Variants in PACS1 observed in about 807,000 individuals in gnomAD.
PACS1 encodes the protein PACS-1.
PACS1 carries 24 observed loss-of-function variants against 115.0 expected under a neutral mutation model. That is an observed-to-expected ratio of 0.21 (90% CI 0.15 to 0.29). The LOEUF (loss-of-function observed/expected upper bound fraction) is 0.29, where lower values mean the gene tolerates loss of function less well. Ranked by LOEUF, PACS1 falls within the 10% of genes least tolerant of loss-of-function variation. PACS1 has a pLI of 1.00. For missense variants in PACS1, 838 were observed against 1,251.2 expected, an observed-to-expected ratio of 0.67 and a Z score of 4.98; for synonymous variants, 453 against 504.5, an observed-to-expected ratio of 0.90 and a Z score of 1.37.
chr11:66,200,442 G>T (rs1210436465), intron 2 of PACS1, among the ~76,000 whole-genome samples: 1 of 151,702 alleles, frequency 6.6e-6, no homozygotes, highest in Non-Finnish European at 1.5e-5. Context: ...AAAAATAAAG[G>T]GTTGGAAAAA....
intron 1 of PACS1, among the ~76,000 whole-genome samples, chr11:66,160,260 C>T (rs1000040009): frequency 6.6e-5 from 10 of 152,028 alleles, no homozygotes; most frequent in South Asian, 6.2e-4. Context: ...CTACTAGCTG[C>T]GTGACCTCAG....
chr11:66,072,516 A>G (rs1371630330), intron 1 of PACS1, among the ~76,000 whole-genome samples: 4 of 152,020 alleles, frequency 2.6e-5, no homozygotes, highest in Non-Finnish European at 2.9e-5. Context: ...TAACAGATTT[A>G]CACATTGTTT....
intron 2 of PACS1, among the ~76,000 whole-genome samples, chr11:66,209,027 C>G (rs932351686): frequency 2.6e-5 from 4 of 151,938 alleles, no homozygotes; most frequent in African/African-American, 9.7e-5. Flanking sequence ...TCATACTGAA[C>G]AAGACATATC....
intron 2 of PACS1, among the ~76,000 whole-genome samples, chr11:66,208,515 T>C (rs1382834914): frequency 6.6e-6 from 1 of 152,104 alleles, no homozygotes; most frequent in Non-Finnish European, 1.5e-5. Flanking sequence ...TTTACAGATT[T>C]GCTTCTTTTT....
At chr11:66,108,772 AAGAGAGAAAGAGAGAAG>A (rs1274498592) in intron 1 of PACS1, among the ~76,000 whole-genome samples, 1 of 151,998 alleles carries the variant, frequency 6.6e-6, no homozygotes, top group South Asian at 2.1e-4. Flanking sequence ...CTCAAAAAGA[AAGAGAGAAAGAGAGAAG>A]AGAGAGAAAG....
At chr11:66,206,391 G>A (rs1854939644) in intron 2 of PACS1, among the ~76,000 whole-genome samples, 1 of 152,176 alleles carries the variant, frequency 6.6e-6, no homozygotes, top group Non-Finnish European at 1.5e-5. Context: ...ACCCATGAAA[G>A]CTAAACCCCT....
intron 1 of PACS1, among the ~76,000 whole-genome samples, chr11:66,151,599 T>A (rs1859241728): frequency 6.6e-6 from 1 of 152,226 alleles, no homozygotes; most frequent in South Asian, 2.1e-4. Context: ...GTTAACTGCC[T>A]ACTAGAATAT....
chr11:66,137,099 A>C (rs1858864203), intron 1 of PACS1, among the ~76,000 whole-genome samples: 2 of 144,948 alleles, frequency 1.4e-5, no homozygotes, highest in African/African-American at 5.1e-5. Flanking sequence ...GTTTTTCTTT[A>C]ATGTAATAAA....
At chr11:66,095,318 C>T (rs1216709347) in intron 1 of PACS1, among the ~76,000 whole-genome samples, 11 of 152,014 alleles carry the variant, frequency 7.2e-5, no homozygotes, top group African/African-American at 2.7e-4. Flanking sequence ...AGCCCAAAAT[C>T]TCCTTAAGCT....
intron 1 of PACS1, among the ~76,000 whole-genome samples, chr11:66,164,311 A>G (rs1194019229): frequency 6.6e-6 from 1 of 152,026 alleles, no homozygotes; most frequent in Non-Finnish European, 1.5e-5. Context: ...CTCCTGATCT[A>G]TATGATTTCA....
In PACS1 at chr11:66,168,752, A is replaced by ATATG. The variant is rs1554984380; in HGVS notation, c.357-24733_357-24732insATGT. On this transcript the variant is annotated intron_variant, in intron 1 of 23. Coordinates refer to ENST00000320580, the MANE Select transcript of PACS1 (RefSeq NM_018026.4). ...TGCTTCCTAAATAGTATATATATAT[A>ATATG]TGTGTGTGTGTGTGTGTGTGTGTGT... is the stretch of plus-strand genomic sequence containing the variant. 1.9e-3 allele frequency among the ~76,000 whole-genome samples: 187 copies of ATATG among 99,204 alleles called. 1 individual carries two copies. The highest frequency in any genetic ancestry group is 7.4e-3 in the Admixed American group (70 of 9,400). 65.1% of individuals were successfully genotyped at this position (99,204 alleles called of 152,430 possible). A position where few individuals can be genotyped will look rare whatever the true frequency, so the allele number is the denominator to read the frequency against.
intron 1 of PACS1, among the ~76,000 whole-genome samples, chr11:66,187,895 A>G (rs1854421277): frequency 1.3e-5 from 2 of 152,224 alleles, no homozygotes; most frequent in South Asian, 2.1e-4. Context: ...GCTGTTCTCC[A>G]TAGTGGCTGC....
chr11:66,087,872 G>T (rs1176087921), intron 1 of PACS1, among the ~76,000 whole-genome samples: 1 of 152,102 alleles, frequency 6.6e-6, no homozygotes, highest in East Asian at 1.9e-4. Context: ...AGTTCCTGTT[G>T]CTGCACATCT....
At chr11:66,087,432 A>G (rs1857592433) in intron 1 of PACS1, among the ~76,000 whole-genome samples, 1 of 151,960 alleles carries the variant, frequency 6.6e-6, no homozygotes, top group Non-Finnish European at 1.5e-5. Flanking sequence ...TAGTAGAGGA[A>G]GGGTTTCACC....
At chr11:66,109,375 T>C (rs1858133303) in intron 1 of PACS1, among the ~76,000 whole-genome samples, 1 of 152,116 alleles carries the variant, frequency 6.6e-6, no homozygotes, top group South Asian at 2.1e-4. Flanking sequence ...ATGGGCAACA[T>C]AGTGAGACCC....
intron 1 of PACS1, among the ~76,000 whole-genome samples, chr11:66,094,723 G>A (rs1463477965): frequency 6.6e-6 from 1 of 152,124 alleles, no homozygotes; most frequent in African/African-American, 2.4e-5. Flanking sequence ...TGATACCAAA[G>A]CCGGGCAGAG....
chr11:66,243,267 G>C lies in PACS1; in HGVS notation c.2879G>C (p.Ser960Thr), dbSNP rs1262979775. 1 of 1,596,484 alleles carries C rather than the reference G, an allele frequency of 6.3e-7. No homozygotes were observed. Among genetic ancestry groups the C allele is most frequent in the Non-Finnish European group, 8.5e-7 (1 of 1,170,846 alleles). ...TTTCCAGTGGGACTCTTCAGTGGCA[G>C]CAAGGCCACCTGAGGCCCTGTCTCC... Reference protein sequence around the residue: ...KHFPVGLFSGSKAT With the variant: ...KHFPVGLFSGTKAT The change falls in exon 24 of 24, where the codon AGC (serine) becomes ACC (threonine). Residue 960 changes from serine (S) to threonine (T), a missense_variant. Coordinates refer to ENST00000320580, the MANE Select transcript of PACS1 (RefSeq NM_018026.4).
At chr11:66,079,993 C>G (rs1565098954) in intron 1 of PACS1, among the ~76,000 whole-genome samples, 1 of 152,216 alleles carries the variant, frequency 6.6e-6, no homozygotes. Context: ...CTTCACTGAC[C>G]TGCTACCTTG....
chr11:66,153,309 C>G (rs1859286403), intron 1 of PACS1, among the ~76,000 whole-genome samples: 1 of 152,054 alleles, frequency 6.6e-6, no homozygotes, highest in African/African-American at 2.4e-5. Flanking sequence ...ACATAAGAAA[C>G]AAGATTTTAA....
Sources: allele counts gnomAD v4.1 joint callset (sites outside exome capture counted in the v4.1 genomes callset), GRCh38; gene constraint gnomAD v4.1.1; transcripts MANE v1.5; gene names NCBI Gene and HGNC (gene_info 2026-07-23, HGNC 2026-07-21).